The following CSMD2 variants were observed in gnomAD, a reference collection of about 807,000 sequenced individuals.
The protein encoded by CSMD2 is CUB and Sushi multiple domains 2.
Under a neutral mutation model 398.5 loss-of-function variants are expected in CSMD2, and 130 were observed. The ratio of observed to expected loss-of-function variants is 0.33; its 90% CI spans 0.28 to 0.38. CSMD2 has a LOEUF of 0.38. CSMD2 is among the 10% of genes least tolerant of loss of function. CSMD2 has a pLI of 1.00. For synonymous variants in CSMD2, 1,828 were observed against 1,908.5 expected, an observed-to-expected ratio of 0.96 and a Z score of 1.10; for missense variants, 3,829 against 4,764.9, an observed-to-expected ratio of 0.80 and a Z score of 5.78.
intron 1 of CSMD2, among the ~76,000 whole-genome samples, chr1:34,119,597 A>C (rs1164565735): frequency 6.6e-6 from 1 of 152,232 alleles, no homozygotes; most frequent in Non-Finnish European, 1.5e-5. Flanking sequence ...TCTGATTTTA[A>C]AATGAGCAAA....
chr1:33,936,945 G>C (rs1245074030), intron 3 of CSMD2, among the ~76,000 whole-genome samples: 1 of 152,204 alleles, frequency 6.6e-6, no homozygotes, highest in Admixed American at 6.5e-5. Context: ...CCATGCAGCC[G>C]GATGGTGGTA....
chr1:33,727,722 C>G (rs999262621), intron 15 of CSMD2, among the ~76,000 whole-genome samples: 9 of 152,168 alleles, frequency 5.9e-5, no homozygotes, highest in African/African-American at 2.2e-4. Flanking sequence ...AGCAGACATC[C>G]CTGATGACCC....
At chr1:33,776,991 G>A (rs1214225386) in intron 12 of CSMD2, among the ~76,000 whole-genome samples, 1 of 152,138 alleles carries the variant, frequency 6.6e-6, no homozygotes, top group Non-Finnish European at 1.5e-5. Context: ...TGAGAGGCAA[G>A]GTGATGGCAA....
chr1:33,671,574 C>T (rs1426041921), intron 25 of CSMD2, among the ~76,000 whole-genome samples: 2 of 152,132 alleles, frequency 1.3e-5, no homozygotes, highest in African/African-American at 4.8e-5. Flanking sequence ...GTTCCACCTC[C>T]CACTGCCACA....
intron 5 of CSMD2, among the ~76,000 whole-genome samples, chr1:33,889,210 A>G (rs1302963631): frequency 6.6e-6 from 1 of 152,246 alleles, no homozygotes; most frequent in Admixed American, 6.5e-5. Flanking sequence ...AAAAATATAC[A>G]AAGAGCTCCT....
intron 13 of CSMD2, among the ~76,000 whole-genome samples, chr1:33,751,645 C>T (rs812772): frequency 0.078 from 11,817 of 152,186 alleles, 518 homozygotes; most frequent in Admixed American, 0.11. Flanking sequence ...ATTATTGAGA[C>T]GGAGTCTCAC....
rs772792035 is a variant in CSMD2, at chr1:33,714,582, C to T, written c.3406+5G>A. ...GAAGCAAAATGAAAGCACGTGACCA[C>T]CTACCAACACACCTTGGCAGAGGCG... is the stretch of plus-strand genomic sequence containing the variant. On this transcript the variant is annotated splice_donor_5th_base_variant and intron_variant, in intron 21 of 70. Transcript: ENST00000373381. 6.2e-7 allele frequency: 1 copy of T among 1,613,234 alleles called. No homozygotes were observed. The highest frequency in any genetic ancestry group is 1.1e-5 in the South Asian group (1 of 91,020).
intron 12 of CSMD2, among the ~76,000 whole-genome samples, chr1:33,781,410 G>A (rs1652750868): frequency 6.6e-6 from 1 of 152,224 alleles, no homozygotes; most frequent in East Asian, 1.9e-4. Context: ...TGAATTAGGT[G>A]AAGGCAGAGA....
chr1:33,595,180 G>T (rs1639756633), intron 44 of CSMD2, among the ~76,000 whole-genome samples: 1 of 152,106 alleles, frequency 6.6e-6, no homozygotes, highest in African/African-American at 2.4e-5. Context: ...ATGTCTCTTT[G>T]GTCTCCTTTA....
chr1:34,102,673 G>GGCCATATCCCTGTGATCCA (rs1660091586), intron 1 of CSMD2, among the ~76,000 whole-genome samples: 4 of 115,338 alleles, frequency 3.5e-5, no homozygotes, highest in African/African-American at 1.6e-4. Flanking sequence ...CCTGTAATCC[G>GGCCATATCCCTGTGATCCA]GCCATATCCC....
intron 1 of CSMD2, among the ~76,000 whole-genome samples, chr1:34,090,254 G>A (rs753058019): frequency 1.1e-4 from 17 of 152,150 alleles, no homozygotes; most frequent in Non-Finnish European, 2.1e-4. Context: ...TTCCCACCAT[G>A]CTCCCTGGTG....
chr1:33,739,438 A>C, intron 14 of CSMD2, 104 bp from the exon 15 acceptor site: 1 of 1,086,588 alleles, frequency 9.2e-7, no homozygotes, highest in South Asian at 1.7e-5. Flanking sequence ...GAACTCCACC[A>C]CCTCCCCAAG....
At chr1:33,991,445 T>C (rs1034680938) in intron 3 of CSMD2, among the ~76,000 whole-genome samples, 3 of 152,094 alleles carry the variant, frequency 2.0e-5, no homozygotes, top group Non-Finnish European at 4.4e-5. Flanking sequence ...AACTTGAAAG[T>C]GTGGGCTAGA....
intron 3 of CSMD2, among the ~76,000 whole-genome samples, chr1:33,991,986 C>T (rs1379876719): frequency 2.0e-5 from 3 of 151,314 alleles, no homozygotes; most frequent in Admixed American, 1.3e-4. Flanking sequence ...AAAAGAGGCA[C>T]CGTGTTGCTA....
chr1:33,686,259 AC>A (rs756707706), intron 25 of CSMD2, among the ~76,000 whole-genome samples: 5 of 151,954 alleles, frequency 3.3e-5, no homozygotes, highest in Non-Finnish European at 5.9e-5. Context: ...ACAAAACAAA[AC>A]CCTCCAGCTC....
At chr1:33,854,926 G>T (rs72663952) in intron 5 of CSMD2, among the ~76,000 whole-genome samples, 33 of 152,272 alleles carry the variant, frequency 2.2e-4, no homozygotes, top group Non-Finnish European at 3.4e-4. Flanking sequence ...TATTGCGAAG[G>T]TCTAGGGGTG....
chr1:33,749,197 C>A (rs10914772), intron 13 of CSMD2, among the ~76,000 whole-genome samples: 44,660 of 148,030 alleles, frequency 0.3, 8,165 homozygotes, highest in African/African-American at 0.53. Context: ...CCCCCAGGTT[C>A]ACGCCATTCT....
chr1:33,941,755 A>G (rs550114203), intron 3 of CSMD2, among the ~76,000 whole-genome samples: 2 of 152,198 alleles, frequency 1.3e-5, no homozygotes, highest in Non-Finnish European at 2.9e-5. Flanking sequence ...TGCTTTTCAT[A>G]TATTTCCATC....
intron 27 of CSMD2, among the ~76,000 whole-genome samples, chr1:33,655,625 C>T (rs1415470872): frequency 1.3e-5 from 2 of 152,142 alleles, no homozygotes; most frequent in African/African-American, 2.4e-5. Flanking sequence ...ATGTTTAGCC[C>T]GGTGCCTATC....
Sources: allele counts gnomAD v4.1 joint callset (sites outside exome capture counted in the v4.1 genomes callset), GRCh38; gene constraint gnomAD v4.1.1; transcripts MANE v1.5; gene names NCBI Gene and HGNC (gene_info 2026-07-23, HGNC 2026-07-21).